Variants in GRIA2 observed in about 807,000 individuals in gnomAD.
GRIA2 encodes the protein glutamate ionotropic receptor AMPA type subunit 2.
GRIA2 carries 14 observed loss-of-function variants against 97.3 expected under a neutral mutation model. The ratio of observed to expected loss-of-function variants is 0.14; its 90% CI spans 0.10 to 0.23. The LOEUF is 0.23. Among genes scored for constraint, GRIA2 ranks in the 10% least tolerant of loss-of-function variants. GRIA2 has a pLI of 1.00. For synonymous variants in GRIA2, 412 were observed against 387.8 expected, an observed-to-expected ratio of 1.06 and a Z score of -0.73; for missense variants, 558 against 1,069.8, an observed-to-expected ratio of 0.52 and a Z score of 6.67.
intron 2 of GRIA2, among the ~76,000 whole-genome samples, chr4:157,300,476 A>G (rs989364500): frequency 7.2e-5 from 11 of 152,058 alleles, no homozygotes; most frequent in Admixed American, 1.3e-4. Context: ...TGGCATTCTT[A>G]TCCTGCTTGG....
intron 12 of GRIA2, among the ~76,000 whole-genome samples, chr4:157,351,922 T>C (rs1736026806): frequency 1.3e-5 from 2 of 152,238 alleles, no homozygotes; most frequent in African/African-American, 4.8e-5. Context: ...CTTCCCTTTA[T>C]AAATTACGCA....
intron 9 of GRIA2, chr4:157,334,473 A>G (rs1735196792): frequency 5.8e-6 from 1 of 173,692 alleles, no homozygotes; most frequent in Non-Finnish European, 1.2e-5. Flanking sequence ...TCCCTTTGTT[A>G]CATGATTTCA....
In GRIA2 at chr4:157,314,772, G is replaced by T. The variant is rs568887850; in HGVS notation, c.666+1897G>T. ...TATGGACATCTATTCAAAATGCAGAGTATTTTGCACATATATATTATAAGT... is the reference window on the plus strand; with the variant it reads ...TATGGACATCTATTCAAAATGCAGATTATTTTGCACATATATATTATAAGT... On this transcript the variant is annotated intron_variant, in intron 4 of 15. Transcript: ENST00000264426. Among the ~76,000 whole-genome samples, 3 of 152,250 alleles carry T rather than the reference G, an allele frequency of 2.0e-5. No homozygotes were observed. The South Asian group carries it at 6.2e-4, about 32-fold the overall frequency.
intron 2 of GRIA2, among the ~76,000 whole-genome samples, chr4:157,290,774 G>T (rs1377710179): frequency 6.6e-6 from 1 of 150,928 alleles, no homozygotes; most frequent in Non-Finnish European, 1.5e-5. Flanking sequence ...TCCCCAGCTT[G>T]TTTTTTTTAT....
chr4:157,316,384 A>T (rs1207764033), intron 4 of GRIA2, among the ~76,000 whole-genome samples: 2 of 152,174 alleles, frequency 1.3e-5, no homozygotes, highest in Admixed American at 1.3e-4. Flanking sequence ...ATGGCTTAAT[A>T]TCAAAGTGGC....
chr4:157,332,438 G>A (rs1215092037), intron 6 of GRIA2, among the ~76,000 whole-genome samples: 1 of 151,612 alleles, frequency 6.6e-6, no homozygotes, highest in Admixed American at 6.6e-5. Flanking sequence ...TTTCTCATTG[G>A]ACTGTAAAGA....
intron 6 of GRIA2, among the ~76,000 whole-genome samples, chr4:157,326,308 T>C (rs1419985448): frequency 6.6e-6 from 1 of 152,200 alleles, no homozygotes; most frequent in Non-Finnish European, 1.5e-5. Context: ...TGCATCACCC[T>C]TCCCTGATCC....
At chr4:157,299,169 C>T (rs1166550732) in intron 2 of GRIA2, among the ~76,000 whole-genome samples, 1 of 152,004 alleles carries the variant, frequency 6.6e-6, no homozygotes, top group Non-Finnish European at 1.5e-5. Context: ...CTAATAAATT[C>T]AGAGAAGCTA....
chr4:157,266,878 G>A (rs1413398801), intron 2 of GRIA2, among the ~76,000 whole-genome samples: 2 of 151,974 alleles, frequency 1.3e-5, no homozygotes, highest in African/African-American at 2.4e-5. Context: ...GGGCAGCAGA[G>A]TGAGACTCTG....
chr4:157,248,614 T>TGTATATATACGTGTATATATAC, intron 2 of GRIA2, among the ~76,000 whole-genome samples: 1 of 30,136 alleles, frequency 3.3e-5, no homozygotes, highest in African/African-American at 8.9e-5. Context: ...TATATATACA[T>TGTATATATACGTGTATATATAC]GTATATATAC....
At chr4:157,352,923 T>C (rs1291460322) in intron 12 of GRIA2, among the ~76,000 whole-genome samples, 3 of 149,384 alleles carry the variant, frequency 2.0e-5, no homozygotes, top group Non-Finnish European at 4.5e-5. Flanking sequence ...GTTAGGCGTG[T>C]TGGCGGGCGC....
chr4:157,355,688 ATT>A (rs1736239250), intron 12 of GRIA2, among the ~76,000 whole-genome samples: 1 of 74,060 alleles, frequency 1.4e-5, no homozygotes, highest in Non-Finnish European at 2.8e-5. Context: ...TTATTTATAT[ATT>A]TATTTATATA....
chr4:157,358,706 C>A (rs1736501575), intron 12 of GRIA2, among the ~76,000 whole-genome samples: 1 of 152,032 alleles, frequency 6.6e-6, no homozygotes. Context: ...GTTATGCTAT[C>A]ATAAACCCCA....
intron 12 of GRIA2, among the ~76,000 whole-genome samples, chr4:157,347,375 T>C (rs1289362891): frequency 6.6e-6 from 1 of 152,174 alleles, no homozygotes; most frequent in Non-Finnish European, 1.5e-5. Flanking sequence ...ATACACTCGC[T>C]AAATAATTTG....
At chr4:157,346,945 T>A (rs541732698) in intron 12 of GRIA2, among the ~76,000 whole-genome samples, 1 of 152,112 alleles carries the variant, frequency 6.6e-6, no homozygotes, top group Non-Finnish European at 1.5e-5. Flanking sequence ...AAGCACTGAA[T>A]TGAAAAAGCA....
intron 2 of GRIA2, among the ~76,000 whole-genome samples, chr4:157,232,544 T>G (rs1730064964): frequency 6.6e-6 from 1 of 152,190 alleles, no homozygotes; most frequent in South Asian, 2.1e-4. Context: ...TTTACCAGGT[T>G]TTTAGTTTTT....
intron 2 of GRIA2, among the ~76,000 whole-genome samples, chr4:157,291,896 A>G (rs763108347): frequency 3.3e-5 from 5 of 151,966 alleles, no homozygotes; most frequent in Non-Finnish European, 7.4e-5. Flanking sequence ...AGCCAATGGT[A>G]CTATCAATAT....
At chr4:157,229,937 G>C (rs895571934) in intron 2 of GRIA2, among the ~76,000 whole-genome samples, 5 of 152,056 alleles carry the variant, frequency 3.3e-5, no homozygotes, top group African/African-American at 1.2e-4. Flanking sequence ...ATCTTCCTAA[G>C]TACCCAACTT....
chr4:157,362,719 A>C, intron 14 of GRIA2, 80 bp from the exon 15 acceptor site: 3 of 1,204,186 alleles, frequency 2.5e-6, no homozygotes, highest in Non-Finnish European at 3.6e-6. Flanking sequence ...TGTTCCCGTG[A>C]TAATGCTATG....
Sources: gnomAD v4.1 joint callset for allele counts (sites outside exome capture counted in the v4.1 genomes callset) on GRCh38, gnomAD v4.1.1 for gene constraint, MANE v1.5 for transcripts, NCBI Gene and HGNC (gene_info 2026-07-23, HGNC 2026-07-21) for gene names.